Variants in DAGLB observed in about 807,000 individuals in gnomAD.
DAGLB encodes diacylglycerol lipase beta, also known as diacylglycerol lipase-beta.
A neutral mutation model predicts 72.1 loss-of-function variants in DAGLB; 66 were observed. That is an observed-to-expected ratio of 0.92 (90% confidence interval 0.75 to 1.12). The LOEUF (loss-of-function observed/expected upper bound fraction) is 1.12, where lower values mean the gene tolerates loss of function less well. DAGLB is among the 50% of genes most tolerant of loss of function. The pLI is 0.00. For missense variants in DAGLB, 1,065 were observed against 884.9 expected (o/e 1.20, Z -2.58); for synonymous variants, 414 against 359.5 (o/e 1.15, Z -1.71).
Position 6,409,801 on chromosome 7 carries a change from G to C in DAGLB, c.*36C>G. 1.2e-6 allele frequency: 2 copies of C among 1,601,534 alleles called. No homozygotes were observed. The highest frequency in any genetic ancestry group is 1.7e-6 in the Non-Finnish European group (2 of 1,172,830). ...AGTCAGTTTAAGGACAAAAGCGTGA[G>C]TCCATCGTTCCTGGGACAGTTTCCA... On this transcript the variant is annotated 3_prime_UTR_variant, in exon 15 of 15. Transcript: ENST00000297056.
intron 4 of DAGLB, 77 bp from the exon 5 acceptor site, chr7:6,433,036 A>G: frequency 6.5e-7 from 1 of 1,548,560 alleles, no homozygotes; most frequent in South Asian, 1.2e-5. Flanking sequence ...CCAGTCTTCT[A>G]TAGTTGATAG....
chr7:6,410,770 G>A (rs1040716105), intron 13 of DAGLB, among the ~76,000 whole-genome samples: 5 of 152,040 alleles, frequency 3.3e-5, no homozygotes, highest in African/African-American at 7.3e-5. Flanking sequence ...GCGCAATGGC[G>A]TGATCTTGGC....
chr7:6,410,463 C>A (rs1783685536), intron 13 of DAGLB, 83 bp from the exon 14 acceptor site: 3 of 1,514,176 alleles, frequency 2.0e-6, no homozygotes, highest in Non-Finnish European at 2.7e-6. Flanking sequence ...GCGGACCAGG[C>A]ACAGGAATCT....
chr7:6,425,881 T>C, intron 7 of DAGLB, 107 bp downstream of exon 7: 1 of 1,542,198 alleles, frequency 6.5e-7, no homozygotes. Flanking sequence ...AGAAGTGTGT[T>C]TGTGTGTCTA....
chr7:6,418,685 G>A (rs891402413), intron 9 of DAGLB, among the ~76,000 whole-genome samples: 1 of 145,682 alleles, frequency 6.9e-6, no homozygotes. Context: ...TTTTTTTTGA[G>A]ACAGAGTCTC....
intron 8 of DAGLB, chr7:6,422,133 C>T (rs965666513): frequency 5.1e-6 from 2 of 393,156 alleles, no homozygotes; most frequent in Non-Finnish European, 9.9e-6. Flanking sequence ...TGAACAAAGC[C>T]TGGTTCCCGT....
At position 6,436,364 on chromosome 7, in the gene DAGLB, G is replaced by A. The variant is rs773378002; in HGVS notation, c.417C>T (p.Val139=). The A allele has an allele frequency of 6.8e-6, 11 of 1,607,640 alleles. No individual in the cohort carries two copies. The highest frequency in any genetic ancestry group is 9.3e-6 in the Non-Finnish European group (11 of 1,178,040). ...AAAGAGAAGAAGGGAGATGTCACCT[G>A]ACCACGACGGTTGCGATGATGCCGT... ...VVNGIIATVV[V]SWIIIAATVV... The change falls in exon 3 of 15, where the codon GTC becomes GTT. Residue 139 remains valine (V), a splice_region_variant and synonymous_variant. Coordinates refer to ENST00000297056, the MANE Select transcript of DAGLB (RefSeq NM_139179.4).
intron 2 of DAGLB, among the ~76,000 whole-genome samples, chr7:6,444,272 C>G (rs1784926595): frequency 6.6e-6 from 1 of 152,080 alleles, no homozygotes; most frequent in African/African-American, 2.4e-5. Context: ...GACACTGTCT[C>G]TAACAACAAC....
At chr7:6,430,056 T>C (rs992470356) in intron 6 of DAGLB, among the ~76,000 whole-genome samples, 6 of 146,310 alleles carry the variant, frequency 4.1e-5, no homozygotes, top group Non-Finnish European at 4.5e-5. Flanking sequence ...AAAATGAAAA[T>C]TAGCCGGGCA....
intron 13 of DAGLB, 74 bp downstream of exon 13, chr7:6,412,737 C>A: frequency 2.6e-6 from 4 of 1,518,986 alleles, no homozygotes; most frequent in Non-Finnish European, 3.6e-6. Flanking sequence ...GGGTGCAATT[C>A]CTCCCGGCTC....
At chr7:6,419,800 C>G (rs1784047694) in intron 9 of DAGLB, among the ~76,000 whole-genome samples, 1 of 152,212 alleles carries the variant, frequency 6.6e-6, no homozygotes, top group Non-Finnish European at 1.5e-5. Flanking sequence ...CTCCTTTCCT[C>G]ACACAGTAAT....
intron 9 of DAGLB, among the ~76,000 whole-genome samples, chr7:6,418,316 C>G (rs1414432444): frequency 1.3e-5 from 2 of 152,062 alleles, no homozygotes; most frequent in African/African-American, 4.8e-5. Flanking sequence ...TTACAGTGAA[C>G]TATGATTGCA....
At chr7:6,412,464 CT>C (rs879547981) in intron 13 of DAGLB, 8,865 of 191,304 alleles carry the variant, frequency 0.046, no homozygotes, top group East Asian at 0.076. Context: ...ATTTTCTTTT[CT>C]TTTTTTTTTT....
intron 11 of DAGLB, 39 bp downstream of exon 11, chr7:6,416,588 T>C: frequency 1.3e-6 from 2 of 1,557,072 alleles, no homozygotes; most frequent in Non-Finnish European, 1.7e-6. Context: ...ACATGACTTG[T>C]AAGTAGCAAG....
chr7:6,429,950 A>G (rs1784427023), intron 6 of DAGLB, among the ~76,000 whole-genome samples: 1 of 152,060 alleles, frequency 6.6e-6, no homozygotes, highest in African/African-American at 2.4e-5. Flanking sequence ...AGGCTGAGGC[A>G]GGAGAATGGC....
At chr7:6,416,493 A>G in intron 11 of DAGLB, 134 bp downstream of exon 11, 1 of 1,344,328 alleles carries the variant, frequency 7.4e-7, no homozygotes, top group Non-Finnish European at 1.0e-6. Context: ...CAGTGAGCCG[A>G]GATCACGCCA....
chr7:6,433,062 C>G, intron 4 of DAGLB, 103 bp from the exon 5 acceptor site: 1 of 1,479,504 alleles, frequency 6.8e-7, no homozygotes, highest in Non-Finnish European at 8.9e-7. Flanking sequence ...CACGCACACA[C>G]AGACATTTCT....
At chr7:6,436,133 A>C (rs1428968855) in intron 3 of DAGLB, among the ~76,000 whole-genome samples, 1 of 152,198 alleles carries the variant, frequency 6.6e-6, no homozygotes, top group African/African-American at 2.4e-5. Context: ...GTAGAAAATA[A>C]AGAACCAGTA....
At chr7:6,415,592 A>T (rs1161121418) in intron 11 of DAGLB, among the ~76,000 whole-genome samples, 2 of 129,612 alleles carry the variant, frequency 1.5e-5, no homozygotes, top group Admixed American at 7.7e-5. Context: ...TAATCCCACC[A>T]TTTTGGGAGG....
Sources: allele counts gnomAD v4.1 joint callset (sites outside exome capture counted in the v4.1 genomes callset), GRCh38; gene constraint gnomAD v4.1.1; transcripts MANE v1.5; gene names NCBI Gene and HGNC (gene_info 2026-07-23, HGNC 2026-07-21).